TREML4: variants seen among roughly 807,000 people sequenced by gnomAD.
TREML4 encodes the protein trem-like transcript 4 protein.
TREML4 carries 25 observed loss-of-function variants against 25.4 expected under a neutral mutation model. That is an observed-to-expected ratio of 0.98 (90% CI 0.72 to 1.37). The LOEUF (loss-of-function observed/expected upper bound fraction) is 1.37. Ranked by LOEUF, TREML4 falls within the 40% of genes most tolerant of loss-of-function variation. TREML4 has a pLI of 0.00. For synonymous variants in TREML4, 92 were observed against 87.9 expected (o/e 1.05, Z -0.26); for missense variants, 268 against 236.5 (o/e 1.13, Z -0.87).
chr6:41,229,203 A>C (rs1766738845), intron 2 of TREML4, among the ~76,000 whole-genome samples, 159 bp downstream of exon 2: 1 of 151,324 alleles, frequency 6.6e-6, no homozygotes, highest in Non-Finnish European at 1.5e-5. Flanking sequence ...ATGGACTCTC[A>C]CCTCTCCTCC....
At chr6:41,235,535 T>G (rs189429542) in intron 4 of TREML4, among the ~76,000 whole-genome samples, 1 of 152,202 alleles carries the variant, frequency 6.6e-6, no homozygotes, top group African/African-American at 2.4e-5. Flanking sequence ...TGAGGAATAA[T>G]CATTTAGAAA....
chr6:41,229,834 C>T (rs537446201), intron 3 of TREML4, among the ~76,000 whole-genome samples: 5 of 152,136 alleles, frequency 3.3e-5, no homozygotes, highest in Admixed American at 1.3e-4. Context: ...ACCTTGCACA[C>T]GTGTGTCCCA....
rs1766929398 is a variant in TREML4 at position 41,237,609 on chromosome 6, C to T, written c.*590C>T. On this transcript the variant is annotated 3_prime_UTR_variant, in exon 6 of 6. Transcript: ENST00000341495. Reference sequence around the variant, plus strand: ...CCCCTCACCTTCCTCCCGTCCCACCCCAGATATCCTAAATGAGAGAGAAAT... The same window carrying T: ...CCCCTCACCTTCCTCCCGTCCCACCTCAGATATCCTAAATGAGAGAGAAAT... 1 of 152,058 alleles carries T rather than the reference C, an allele frequency of 6.6e-6. No homozygotes were observed. Among genetic ancestry groups the T allele is most frequent in the Non-Finnish European group, 1.5e-5 (1 of 68,020 alleles). 9.4% of individuals were successfully genotyped at this position (152,058 alleles called of 1,614,324 possible).
intron 5 of TREML4, among the ~76,000 whole-genome samples, 181 bp downstream of exon 5, chr6:41,236,798 C>T (rs796570708): frequency 7.9e-5 from 12 of 152,240 alleles, no homozygotes; most frequent in African/African-American, 2.9e-4. Context: ...TAGAAAGAGA[C>T]AGAGGCTTTC....
intron 4 of TREML4, chr6:41,231,225 A>T (rs1766789923): frequency 4.7e-6 from 1 of 212,604 alleles, no homozygotes; most frequent in Non-Finnish European, 1.1e-5. Flanking sequence ...AATCATCCTG[A>T]AACCATCCCC....
chr6:41,232,934 T>C (rs1349340609), intron 4 of TREML4, among the ~76,000 whole-genome samples: 1 of 152,158 alleles, frequency 6.6e-6, no homozygotes, highest in African/African-American at 2.4e-5. Context: ...GGCCAGGAAC[T>C]GGTACTGGTC....
At chr6:41,229,268 C>G (rs4587167) in intron 2 of TREML4, among the ~76,000 whole-genome samples, 50,590 of 151,854 alleles carry the variant, frequency 0.33, 8,542 homozygotes, top group Middle Eastern at 0.41. Flanking sequence ...GGTCCCTGGA[C>G]AGAGACACAG....
chr6:41,232,393 A>C, intron 4 of TREML4: 1 of 422,228 alleles, frequency 2.4e-6, no homozygotes, highest in Non-Finnish European at 4.9e-6. Flanking sequence ...ATGAAGAACA[A>C]GAGAAAATAC....
Position 41,228,457 on chromosome 6 carries a change from C to T in TREML4, c.30C>T (p.Cys10=), listed in dbSNP as rs770854217. 1.2e-6 allele frequency: 2 copies of T among 1,612,978 alleles called. No individual in the cohort carries two copies. The highest frequency in any genetic ancestry group is 1.7e-5 in the Admixed American group (1 of 59,884). The part of the protein sequence containing the change: MAWGGVHTC[C]FHLCCCCSWP... ...CCTGGGGTGGGGTCCACACCTGCTG[C>T]TTCCACCTGTGCTGCTGCTGCTCCT... Residue 10 remains cysteine, a synonymous_variant, in exon 1 of 6, where the codon TGC becomes TGT. Transcript: ENST00000341495.
intron 4 of TREML4, 87 bp from the exon 5 acceptor site, chr6:41,236,399 A>C: frequency 8.7e-7 from 1 of 1,150,442 alleles, no homozygotes; most frequent in South Asian, 1.3e-5. Flanking sequence ...AGCTCCAGCT[A>C]CAAGGGGCCT....
At position 41,236,627 on chromosome 6, in the gene TREML4, C is replaced by T. The variant is rs771965318; in HGVS notation, c.*35+10C>T. The T allele has an allele frequency of 2.0e-6, 3 of 1,497,154 alleles. No homozygotes were observed. The highest frequency in any genetic ancestry group is 3.4e-5 in the Admixed American group (2 of 58,762). 92.7% of individuals were successfully genotyped at this position (1,497,154 alleles called of 1,614,324 possible). ...TCTGCAGGTGCCACAGGTGAGGGGG[C>T]CTGGATTTCACCTGGGGGCAATGGA... On this transcript the variant is annotated intron_variant, in intron 5 of 5. Coordinates refer to ENST00000341495, the MANE Select transcript of TREML4 (RefSeq NM_198153.3).
chr6:41,233,670 C>T (rs953998116), intron 4 of TREML4, among the ~76,000 whole-genome samples: 5 of 151,956 alleles, frequency 3.3e-5, no homozygotes, highest in Non-Finnish European at 5.9e-5. Context: ...GGTTCACATA[C>T]CTCTCAGAGG....
chr6:41,231,107 TC>T, intron 4 of TREML4: 1 of 446,358 alleles, frequency 2.2e-6, no homozygotes, highest in Non-Finnish European at 4.5e-6. Context: ...GAAATCAAGT[TC>T]AGGGCTCCCA....
Position 41,228,920 on chromosome 6 carries a change from C to T in TREML4, c.270C>T (p.Gly90=). ...CAATCTGGGACAAGCCCAATGCTGGCTTCTTCAACATCACCATGATTCAGC... is the reference window on the plus strand; with the variant it reads ...CAATCTGGGACAAGCCCAATGCTGGTTTCTTCAACATCACCATGATTCAGC... ...HYTIWDKPNA[G]FFNITMIQLT... The change falls in exon 2 of 6, where the codon GGC becomes GGT. Residue 90 remains glycine (G), a synonymous_variant. Coordinates refer to ENST00000341495, the MANE Select transcript of TREML4 (RefSeq NM_198153.3). 4.3e-6 allele frequency: 7 copies of T among 1,614,174 alleles called. No individual in the cohort carries two copies. Among genetic ancestry groups the T allele is most frequent in the Non-Finnish European group, 5.9e-6 (7 of 1,180,014 alleles).
chr6:41,229,550 C>A lies in TREML4; in HGVS notation c.424C>A (p.Pro142Thr), dbSNP rs1205907630. Residue 142 changes from proline (P) to threonine (T), a missense_variant, in exon 3 of 6, where the codon CCC becomes ACC. By Grantham distance (38) the Pro-to-Thr change is conservative (BLOSUM62 -1). Coordinates refer to ENST00000341495, the MANE Select transcript of TREML4 (RefSeq NM_198153.3). ...APTTSPMWTL[P>T]WLPTSTVLIT... Reference sequence around the variant, plus strand: ...AACCACGTCTCCTATGTGGACTCTTCCCTGGCTCCCAACAAGCACAGGTAG... The same window carrying A: ...AACCACGTCTCCTATGTGGACTCTTACCTGGCTCCCAACAAGCACAGGTAG... The A allele has an allele frequency of 1.2e-6, 2 of 1,613,744 alleles. No individual in the cohort carries two copies. Among genetic ancestry groups the A allele is most frequent in the African/African-American group, 2.7e-5 (2 of 74,870 alleles).
intron 4 of TREML4, among the ~76,000 whole-genome samples, chr6:41,231,542 T>C (rs1410421412): frequency 6.6e-6 from 1 of 152,166 alleles, no homozygotes; most frequent in African/African-American, 2.4e-5. Flanking sequence ...TCTAGGTACC[T>C]ATGATCAGTC....
chr6:41,229,058 T>C lies in TREML4; in HGVS notation c.394+14T>C. Reference sequence around the variant, plus strand: ...TGGTGTCTCCAGGTGAGCTCTTTTCTTGAGGAAATACCTCTGTGCCACCCC... The same window carrying C: ...TGGTGTCTCCAGGTGAGCTCTTTTCCTGAGGAAATACCTCTGTGCCACCCC... On this transcript the variant is annotated intron_variant, in intron 2 of 5. Transcript: ENST00000341495. The C allele has an allele frequency of 1.2e-6, 2 of 1,602,412 alleles. No individual in the cohort carries two copies. The highest frequency in any genetic ancestry group is 1.7e-6 in the Non-Finnish European group (2 of 1,172,624).
intron 4 of TREML4, among the ~76,000 whole-genome samples, chr6:41,235,852 T>C (rs1561903491): frequency 6.6e-6 from 1 of 151,800 alleles, no homozygotes; most frequent in South Asian, 2.1e-4. Context: ...CATGAAAAAG[T>C]GAAAATAAAA....
intron 3 of TREML4, 89 bp from the exon 4 acceptor site, chr6:41,229,972 CT>C: frequency 9.2e-7 from 1 of 1,090,718 alleles, no homozygotes; most frequent in Non-Finnish European, 1.4e-6. Flanking sequence ...CCTCTGGCCC[CT>C]CTCCCCTTCC....
Sources: gnomAD v4.1 joint callset for allele counts (sites outside exome capture counted in the v4.1 genomes callset) on GRCh38, gnomAD v4.1.1 for gene constraint, MANE v1.5 for transcripts, NCBI Gene and HGNC (gene_info 2026-07-23, HGNC 2026-07-21) for gene names.